The following NOL7 variants were observed in gnomAD, a reference collection of about 807,000 sequenced individuals.
NOL7 encodes the protein nucleolar protein 7.
A neutral mutation model predicts 38.4 loss-of-function variants in NOL7; 36 were observed. That is an observed-to-expected ratio of 0.94 (90% CI 0.72 to 1.24). The LOEUF (loss-of-function observed/expected upper bound fraction) is 1.24, where lower values mean the gene tolerates loss of function less well. Ranked by LOEUF, NOL7 falls within the 50% of genes most tolerant of loss-of-function variation. The pLI is 0.00. For synonymous variants in NOL7, 142 were observed against 126.5 expected (o/e 1.12, Z -0.82); for missense variants, 350 against 315.1 (o/e 1.11, Z -0.84).
intron 5 of NOL7, among the ~76,000 whole-genome samples, chr6:13,618,397 G>A (rs941176028): frequency 5.9e-5 from 9 of 151,354 alleles, no homozygotes; most frequent in Admixed American, 3.9e-4. Context: ...ACAGGCGCCC[G>A]CCACCGCGCC....
chr6:13,620,639 A>G, intron 7 of NOL7, 115 bp from the exon 8 acceptor site: 1 of 966,894 alleles, frequency 1.0e-6, no homozygotes, highest in Non-Finnish European at 1.6e-6. Flanking sequence ...ATGTATATAC[A>G]TCTAAAGTAT....
downstream of NOL7, among the ~76,000 whole-genome samples, chr6:13,623,951 T>C (rs1473518309): frequency 2.0e-5 from 3 of 152,188 alleles, no homozygotes; most frequent in Non-Finnish European, 2.9e-5. Flanking sequence ...CTTTAAAGAT[T>C]AGTATCATCT....
chr6:13,631,741 T>A (rs1197936422), intron 8 of NOL7, among the ~76,000 whole-genome samples: 1 of 152,210 alleles, frequency 6.6e-6, no homozygotes, highest in Admixed American at 6.5e-5. Context: ...CAATGCTGAC[T>A]TAAGTTAGGA....
chr6:13,628,043 G>A (rs1291469047), intron 8 of NOL7, among the ~76,000 whole-genome samples: 2 of 152,120 alleles, frequency 1.3e-5, no homozygotes, highest in Non-Finnish European at 2.9e-5. Flanking sequence ...TGACAACAAC[G>A]TATTGTGCAC....
chr6:13,621,773 AACT>A (rs1211016971), downstream of NOL7: 4 of 152,678 alleles, frequency 2.6e-5, no homozygotes, highest in African/African-American at 9.6e-5. Context: ...GTTAAAACAA[AACT>A]ACTGGGACTA....
intron 5 of NOL7, among the ~76,000 whole-genome samples, chr6:13,619,396 C>T (rs1320977141): frequency 1.3e-5 from 2 of 152,190 alleles, no homozygotes; most frequent in Admixed American, 6.5e-5. Flanking sequence ...CACAGGCATT[C>T]ATTTGAGTTG....
downstream of NOL7, chr6:13,625,694 T>C: frequency 6.2e-7 from 1 of 1,613,252 alleles, no homozygotes; most frequent in Non-Finnish European, 8.5e-7. Flanking sequence ...AGGTTCTCTC[T>C]GAATCGGGTC....
intron 8 of NOL7, among the ~76,000 whole-genome samples, chr6:13,627,417 G>A (rs1348836416): frequency 6.6e-6 from 1 of 151,862 alleles, no homozygotes; most frequent in Non-Finnish European, 1.5e-5. Context: ...ATCATTTGAG[G>A]CCAGGAGTTC....
intron 5 of NOL7, among the ~76,000 whole-genome samples, chr6:13,619,710 T>C (rs1413411221): frequency 6.6e-6 from 1 of 152,252 alleles, no homozygotes; most frequent in Admixed American, 6.5e-5. Flanking sequence ...TCTGAGATGC[T>C]GATTGTTCAA....
intron 8 of NOL7, among the ~76,000 whole-genome samples, chr6:13,627,622 T>C (rs1584907638): frequency 1.0e-5 from 1 of 96,968 alleles, no homozygotes; most frequent in Non-Finnish European, 1.9e-5. Flanking sequence ...AGAGAGAGAC[T>C]CCATCTCCAA....
intron 8 of NOL7, among the ~76,000 whole-genome samples, chr6:13,628,125 A>G (rs7742342): frequency 0.78 from 119,169 of 152,052 alleles, 46,911 homozygotes; most frequent in South Asian, 0.84. Flanking sequence ...AATCATCTAA[A>G]GTTGTTATCA....
intron 5 of NOL7, among the ~76,000 whole-genome samples, chr6:13,619,039 T>C (rs990190004): frequency 6.6e-6 from 1 of 152,254 alleles, no homozygotes; most frequent in African/African-American, 2.4e-5. Context: ...AGATGTTTAT[T>C]TCAAGATACA....
Position 13,615,698 on chromosome 6 carries a change from A to G in NOL7, c.267-14A>G, listed in dbSNP as rs770938673. 8 of 1,613,896 alleles carry G rather than the reference A, an allele frequency of 5.0e-6. No homozygotes were observed. Among genetic ancestry groups the G allele is most frequent in the East Asian group, 2.2e-5 (1 of 44,868 alleles). ...TTGTCCTTCCCTTTGCTGACTTATC[A>G]CCCTTCCTCCCAGGGATAAAACGCT... On this transcript the variant is annotated splice_polypyrimidine_tract_variant and intron_variant, in intron 1 of 7. Coordinates refer to ENST00000451315, the MANE Select transcript of NOL7 (RefSeq NM_016167.5).
chr6:13,628,431 G>A (rs1764686268), intron 8 of NOL7, among the ~76,000 whole-genome samples: 1 of 152,092 alleles, frequency 6.6e-6, no homozygotes, highest in Non-Finnish European at 1.5e-5. Context: ...TGGAAACATG[G>A]GTAGGGGTTA....
In NOL7 at chr6:13,631,896, A is replaced by G. The variant is rs550657987; in HGVS notation, n.574-497A>G. 7.9e-5 allele frequency among the ~76,000 whole-genome samples: 12 copies of G among 152,298 alleles called. No individual in the cohort carries two copies. The South Asian group carries it at 1.0e-3, about 13-fold the overall frequency. On this transcript the variant is annotated intron_variant and non_coding_transcript_variant, in intron 8 of 8. Transcript: ENST00000474485. ...TATTCTGGCCATGAAAAGTGACCCAATTCTTCACTAATTCCCATCAAAATG... is the reference window on the plus strand; with the variant it reads ...TATTCTGGCCATGAAAAGTGACCCAGTTCTTCACTAATTCCCATCAAAATG...
At chr6:13,629,940 GTGTA>G (rs1764733465) in intron 8 of NOL7, among the ~76,000 whole-genome samples, 1 of 151,482 alleles carries the variant, frequency 6.6e-6, no homozygotes, top group South Asian at 2.1e-4. Flanking sequence ...GTGTGTGTGT[GTGTA>G]TTTGCATGAA....
chr6:13,628,722 A>G (rs559712338), intron 8 of NOL7, among the ~76,000 whole-genome samples: 5 of 152,362 alleles, frequency 3.3e-5, no homozygotes, highest in Middle Eastern at 6.8e-3. Context: ...TGGCAAAACA[A>G]TACTAATGGT....
downstream of NOL7, among the ~76,000 whole-genome samples, chr6:13,625,056 T>A (rs551804022): frequency 6.6e-6 from 1 of 152,174 alleles, no homozygotes; most frequent in African/African-American, 2.4e-5. Flanking sequence ...AGTTTGAGCT[T>A]CTCTGATATT....
In NOL7 at chr6:13,615,341, T is replaced by G. The variant is rs1451309984; in HGVS notation, c.-18T>G. ...TGCTTCCGGGTCAGAGGTCAGACGGTCTAGCGCTGCGTGGGCCATGGTGCA... is the reference window on the plus strand; with the variant it reads ...TGCTTCCGGGTCAGAGGTCAGACGGGCTAGCGCTGCGTGGGCCATGGTGCA... On this transcript the variant is annotated 5_prime_UTR_variant, in exon 1 of 8. Transcript: ENST00000451315. The G allele has an allele frequency of 2.0e-6, 3 of 1,472,080 alleles. No individual in the cohort carries two copies. The South Asian group carries it at 4.2e-5, about 21-fold the overall frequency. 91.2% of individuals were successfully genotyped at this position (1,472,080 alleles called of 1,614,324 possible).
Sources: gnomAD v4.1 joint callset for allele counts (sites outside exome capture counted in the v4.1 genomes callset) on GRCh38, gnomAD v4.1.1 for gene constraint, MANE v1.5 for transcripts, NCBI Gene and HGNC (gene_info 2026-07-23, HGNC 2026-07-21) for gene names.